Variants in BRF1 observed in about 807,000 individuals in gnomAD.
BRF1 encodes the protein transcription factor IIIB 90 kDa subunit.
Under a neutral mutation model 81.7 loss-of-function variants are expected in BRF1, and 59 were observed. That is an observed-to-expected ratio of 0.72 (90% CI 0.59 to 0.90). BRF1 has a LOEUF of 0.90. BRF1 is among the 40% of genes least tolerant of loss of function. The pLI, the probability that BRF1 is intolerant of heterozygous loss-of-function variation, is 0.00. For missense variants in BRF1, 1,050 were observed against 936.3 expected, an observed-to-expected ratio of 1.12 and a Z score of -1.58; for synonymous variants, 491 against 395.6, an observed-to-expected ratio of 1.24 and a Z score of -2.86.
intron 15 of BRF1, among the ~76,000 whole-genome samples, chr14:105,214,618 G>C (rs1890770373): frequency 6.6e-6 from 1 of 151,996 alleles, no homozygotes; most frequent in African/African-American, 2.4e-5. Flanking sequence ...CAGGACCAGG[G>C]GCAGGTGGCC....
chr14:105,251,024 T>C (rs587627352), intron 5 of BRF1: 1 of 262,806 alleles, frequency 3.8e-6, no homozygotes, highest in African/African-American at 2.2e-5. Context: ...GACCTTCCCT[T>C]CAAATCTAAA....
Position 105,210,738 on chromosome 14 carries a change from G to A in BRF1, c.1997-150C>T. 2.2e-6 allele frequency: 2 copies of A among 893,044 alleles called. No homozygotes were observed. Among genetic ancestry groups the A allele is most frequent in the South Asian group, 3.2e-5 (2 of 61,722 alleles). 55.3% of individuals were successfully genotyped at this position (893,044 alleles called of 1,614,324 possible). A position where few individuals can be genotyped will look rare whatever the true frequency, so the allele number is the denominator to read the frequency against. On this transcript the variant is annotated intron_variant, in intron 17 of 17. Coordinates refer to ENST00000547530, the MANE Select transcript of BRF1 (RefSeq NM_001519.4). This position sits in a 1 kb window ranked among gnomAD's most constrained non-coding sequence, Gnocchi z 4.7. ...CGCGCCCCGCCAGGAGCCATCTTGG[G>A]CTCCTCTCCACCTCCCGGGACTGGC...
At chr14:105,258,255 G>A (rs933296247) in intron 3 of BRF1, among the ~76,000 whole-genome samples, 2 of 152,222 alleles carry the variant, frequency 1.3e-5, no homozygotes, top group East Asian at 1.9e-4. Context: ...TCGGGAGGCC[G>A]AGGTGGGTGG....
At chr14:105,280,493 C>T (rs1304588554) in intron 2 of BRF1, among the ~76,000 whole-genome samples, 29 of 152,274 alleles carry the variant, frequency 1.9e-4, no homozygotes, top group Non-Finnish European at 1.5e-5. Flanking sequence ...CACGCACCGC[C>T]CAGCGTGAGC....
chr14:105,294,863 C>A (rs761119877), intron 1 of BRF1, among the ~76,000 whole-genome samples: 1 of 152,184 alleles, frequency 6.6e-6, no homozygotes, highest in African/African-American at 2.4e-5. Flanking sequence ...TCAACACAAG[C>A]GGCTAATTCA....
chr14:105,298,993 A>AC (rs1053843703), intron 1 of BRF1, among the ~76,000 whole-genome samples: 4 of 151,930 alleles, frequency 2.6e-5, no homozygotes, highest in African/African-American at 9.7e-5. Flanking sequence ...TCACAGTGAA[A>AC]CCCCGTCTCC....
chr14:105,308,396 T>A (rs1468850736), intron 1 of BRF1, among the ~76,000 whole-genome samples: 2 of 151,444 alleles, frequency 1.3e-5, no homozygotes, highest in Non-Finnish European at 2.9e-5. Flanking sequence ...GAGGGAGGAT[T>A]GCCTGAGCCC....
rs1476837434 is a variant in BRF1 at position 105,226,441 on chromosome 14, T to C, written c.916-151A>G. Reference sequence around the variant, plus strand: ...TGGAGCTATGGGCCTGTGTCCCCCATGGGAAGAGGTGGCACTTCCCAGAGT... The same window carrying C: ...TGGAGCTATGGGCCTGTGTCCCCCACGGGAAGAGGTGGCACTTCCCAGAGT... On this transcript the variant is annotated intron_variant, in intron 8 of 17. Transcript: ENST00000547530. 6 of 1,435,208 alleles carry C rather than the reference T, an allele frequency of 4.2e-6. No individual in the cohort carries two copies. The African/African-American group carries it at 4.3e-5, about 10-fold the overall frequency. 88.9% of individuals were successfully genotyped at this position (1,435,208 alleles called of 1,614,324 possible).
chr14:105,212,289 TGGTTCTGCGTCCA>T, intron 15 of BRF1, 125 bp from the exon 16 acceptor site: 1 of 1,289,244 alleles, frequency 7.8e-7, no homozygotes, highest in Non-Finnish European at 1.1e-6. Context: ...TTTGGAAGCC[TGGTTCTGCGTCCA>T]GGTTCTGTGT....
intron 8 of BRF1, 80 bp downstream of exon 8, chr14:105,226,554 G>T: frequency 6.3e-7 from 1 of 1,595,762 alleles, no homozygotes; most frequent in Non-Finnish European, 8.5e-7. Context: ...CACCAGCTCT[G>T]CTACAACCCC....
At chr14:105,249,697 C>T (rs2816606) in intron 5 of BRF1, 415,774 of 1,613,476 alleles carry the variant, frequency 0.26, 55,270 homozygotes, top group Middle Eastern at 0.29. Context: ...CCACTCTGTA[C>T]GCTGCTAAGA....
intron 15 of BRF1, among the ~76,000 whole-genome samples, chr14:105,213,755 C>T (rs1231428794): frequency 6.6e-6 from 1 of 152,234 alleles, no homozygotes; most frequent in Non-Finnish European, 1.5e-5. Flanking sequence ...CCAGGCCTCA[C>T]CCTGGGGGGC....
intron 11 of BRF1, 139 bp from the exon 12 acceptor site, chr14:105,220,269 T>A: frequency 1.2e-6 from 1 of 849,454 alleles, no homozygotes; most frequent in Non-Finnish European, 1.9e-6. Flanking sequence ...CACTGGTGGG[T>A]CGCGCCCTGT....
At chr14:105,314,907 G>A in intron 1 of BRF1, 1 of 995,342 alleles carries the variant, frequency 1.0e-6, no homozygotes. Context: ...AGGGAGCGGC[G>A]GGGCCGGCGC....
chr14:105,256,695 A>G, intron 3 of BRF1, 146 bp from the exon 4 acceptor site: 2 of 1,361,960 alleles, frequency 1.5e-6, no homozygotes, highest in East Asian at 2.5e-5. Context: ...CAGGAAGGAA[A>G]GGTGGTATGG....
At position 105,219,006 on chromosome 14, in the gene BRF1, C is replaced by A. The variant is rs1891798978; in HGVS notation, c.1507G>T (p.Glu503Ter). Residue 503 changes from glutamate to a stop codon, truncating the protein, a stop_gained, in exon 14 of 18, where the codon GAA becomes TAA. Transcript: ENST00000547530. LOFTEE classifies it high-confidence loss of function. The part of the protein sequence containing the change: ...AKEKELGIYK[E>*]HKPKKSCKRR... ...GCGTCACAGGCGCCCACCTTGTGTTCCTTGTAGATGCCGAGCTCCTTCTCT... is the reference window on the plus strand; with the variant it reads ...GCGTCACAGGCGCCCACCTTGTGTTACTTGTAGATGCCGAGCTCCTTCTCT... The A allele has an allele frequency of 6.2e-7, 1 of 1,613,884 alleles. No homozygotes were observed. Among genetic ancestry groups the A allele is most frequent in the Non-Finnish European group, 8.5e-7 (1 of 1,180,008 alleles).
chr14:105,252,486 G>C (rs2055668339), intron 5 of BRF1, 21 bp downstream of exon 5: 1 of 1,612,242 alleles, frequency 6.2e-7, no homozygotes, highest in Non-Finnish European at 8.5e-7. Context: ...GGACACCCCA[G>C]CATCTCACCC....
intron 8 of BRF1, 151 bp downstream of exon 8, chr14:105,226,483 C>A (rs1378581537): frequency 2.7e-6 from 4 of 1,485,486 alleles, no homozygotes; most frequent in Non-Finnish European, 2.7e-6. Flanking sequence ...GAGGGGCATC[C>A]CGGAGCCTCG....
At chr14:105,241,103 C>T (rs939106691) in intron 6 of BRF1, among the ~76,000 whole-genome samples, 162 bp downstream of exon 6, 1 of 152,314 alleles carries the variant, frequency 6.6e-6, no homozygotes, top group East Asian at 1.9e-4. Context: ...TCCTGGAGGG[C>T]TGAGGACCCC....
Sources: allele counts gnomAD v4.1 joint callset (sites outside exome capture counted in the v4.1 genomes callset), GRCh38; gene constraint gnomAD v4.1.1; non-coding constraint Gnocchi (gnomAD v3.1); transcripts MANE v1.5; gene names NCBI Gene and HGNC (gene_info 2026-07-23, HGNC 2026-07-21).